Variants in TCF7L1 observed in about 807,000 individuals in gnomAD.
TCF7L1 encodes transcription factor 7 like 1.
TCF7L1 carries 18 observed loss-of-function variants against 63.7 expected under a neutral mutation model. That is an observed-to-expected ratio of 0.28 (90% CI 0.20 to 0.42). TCF7L1 has a LOEUF of 0.42. Among genes scored for constraint, TCF7L1 ranks in the 10% least tolerant of loss-of-function variants. The pLI is 1.00. For missense variants in TCF7L1, 654 were observed against 779.3 expected (o/e 0.84, Z 1.91); for synonymous variants, 355 against 340.9 (o/e 1.04, Z -0.46).
chr2:85,276,772 T>C (rs1264131252), intron 3 of TCF7L1, among the ~76,000 whole-genome samples: 1 of 151,902 alleles, frequency 6.6e-6, no homozygotes, highest in Non-Finnish European at 1.5e-5. Flanking sequence ...GGGTGAGGAA[T>C]TGAGGTGCAG....
At chr2:85,256,245 C>T (rs577945412) in intron 3 of TCF7L1, among the ~76,000 whole-genome samples, 5 of 152,178 alleles carry the variant, frequency 3.3e-5, no homozygotes, top group African/African-American at 9.7e-5. Flanking sequence ...GGTGCGTCCG[C>T]GCGCCGAAGG....
At chr2:85,168,764 G>C (rs897397370) in intron 3 of TCF7L1, among the ~76,000 whole-genome samples, 4 of 152,132 alleles carry the variant, frequency 2.6e-5, no homozygotes, top group Non-Finnish European at 5.9e-5. Context: ...TGGGACTACA[G>C]GCACCCGCTA....
At chr2:85,182,375 C>G (rs956987523) in intron 3 of TCF7L1, among the ~76,000 whole-genome samples, 41 of 152,306 alleles carry the variant, frequency 2.7e-4, no homozygotes, top group African/African-American at 9.6e-4. Flanking sequence ...CCTGGGGTGC[C>G]AGGGAGCTGA....
chr2:85,262,978 G>A (rs1386036928), intron 3 of TCF7L1, among the ~76,000 whole-genome samples: 2 of 152,206 alleles, frequency 1.3e-5, no homozygotes, highest in Non-Finnish European at 2.9e-5. Context: ...GAGAGAGGGA[G>A]AAGGAGAGAG....
Position 85,309,699 on chromosome 2 carries a change from G to T in TCF7L1, c.*237G>T, listed in dbSNP as rs1682230863. The T allele has an allele frequency of 2.2e-6, 1 of 447,062 alleles. No homozygotes were observed. Among genetic ancestry groups the T allele is most frequent in the East Asian group, 3.5e-5 (1 of 28,832 alleles). 27.7% of individuals were successfully genotyped at this position (447,062 alleles called of 1,614,324 possible). On this transcript the variant is annotated 3_prime_UTR_variant, in exon 12 of 12. Coordinates refer to ENST00000282111, the MANE Select transcript of TCF7L1 (RefSeq NM_031283.3). ...TCTTTATAAGAAAGAGAACTGAAAA[G>T]TAGCGTGCTATTCGTCCTGTAGGTG... is the stretch of plus-strand genomic sequence containing the variant.
chr2:85,186,703 A>G (rs1157914484), intron 3 of TCF7L1: 2 of 152,236 alleles, frequency 1.3e-5, no homozygotes, highest in Non-Finnish European at 2.9e-5. Flanking sequence ...ACCATGCTGC[A>G]CACAGAGTTA....
intron 3 of TCF7L1, among the ~76,000 whole-genome samples, chr2:85,163,352 TA>T (rs1678332857): frequency 6.6e-6 from 1 of 152,078 alleles, no homozygotes; most frequent in Admixed American, 6.5e-5. Context: ...CCCTCCCCCA[TA>T]AGACCATGGG....
chr2:85,267,391 T>A (rs923553865), intron 3 of TCF7L1, among the ~76,000 whole-genome samples: 2 of 148,852 alleles, frequency 1.3e-5, no homozygotes, highest in African/African-American at 2.5e-5. Context: ...GGCTCACACC[T>A]GTAATCTCAG....
chr2:85,142,870 A>C (rs899658795), intron 3 of TCF7L1, among the ~76,000 whole-genome samples: 4 of 152,258 alleles, frequency 2.6e-5, no homozygotes, highest in Admixed American at 1.3e-4. Flanking sequence ...ACAAGGTGTT[A>C]GCAATGCTCT....
chr2:85,296,353 G>A (rs4832158), intron 4 of TCF7L1, among the ~76,000 whole-genome samples: 80,548 of 151,962 alleles, frequency 0.53, 21,952 homozygotes, highest in East Asian at 0.9. Flanking sequence ...CTGATGTTTC[G>A]TCATGGTTAG....
intron 3 of TCF7L1, among the ~76,000 whole-genome samples, chr2:85,222,282 A>C (rs1679858491): frequency 6.6e-6 from 1 of 151,192 alleles, no homozygotes; most frequent in South Asian, 2.1e-4. Context: ...TGGAGGTTGC[A>C]GTGAGCCGAG....
In TCF7L1 at chr2:85,309,418, C is replaced by A; in HGVS notation, c.1723C>A (p.Leu575Ile). ...TLHAHQALPV[L>I]QAQPLSLVTK... ...CCATGCCCACCAGGCCCTCCCGGTGCTACAGGCCCAGCCTCTTTCCCTGGT... is the reference window on the plus strand; with the variant it reads ...CCATGCCCACCAGGCCCTCCCGGTGATACAGGCCCAGCCTCTTTCCCTGGT... The change falls in exon 12 of 12, where the codon CTA becomes ATA. Residue 575 changes from leucine (L) to isoleucine (I), a missense_variant. By Grantham distance (5) the Leu-to-Ile change is conservative. Around this residue, in one of 3 missense-constraint regions of TCF7L1, gnomAD observed 184 missense variants for 204.0 expected, o/e 0.90. Transcript: ENST00000282111. The A allele has an allele frequency of 6.4e-7, 1 of 1,572,306 alleles. No homozygotes were observed.
At chr2:85,150,422 C>T (rs1390515497) in intron 3 of TCF7L1, among the ~76,000 whole-genome samples, 2 of 152,072 alleles carry the variant, frequency 1.3e-5, no homozygotes, top group African/African-American at 4.8e-5. Context: ...TTAGTAGAGA[C>T]GGGATTTCAC....
intron 3 of TCF7L1, among the ~76,000 whole-genome samples, chr2:85,138,588 C>T (rs72838190): frequency 0.23 from 34,549 of 151,966 alleles, 4,262 homozygotes; most frequent in Non-Finnish European, 0.26. Context: ...CTGAAGTTTT[C>T]GCCCTTGGAT....
chr2:85,141,965 T>G (rs1200775677), intron 3 of TCF7L1, among the ~76,000 whole-genome samples: 3 of 152,198 alleles, frequency 2.0e-5, no homozygotes, highest in Non-Finnish European at 4.4e-5. Context: ...CTGCAGGAAC[T>G]TCCTCTCCAT....
intron 3 of TCF7L1, among the ~76,000 whole-genome samples, chr2:85,220,363 T>A (rs927450093): frequency 2.3e-4 from 35 of 151,668 alleles, no homozygotes; most frequent in East Asian, 1.7e-3. Flanking sequence ...TAAAAAAAAA[T>A]ATATATATAT....
intron 4 of TCF7L1, among the ~76,000 whole-genome samples, chr2:85,286,310 G>A (rs1379562463): frequency 1.3e-5 from 2 of 151,404 alleles, no homozygotes; most frequent in Non-Finnish European, 2.9e-5. Context: ...AGCTGAGATT[G>A]CACCACTGCA....
intron 3 of TCF7L1, among the ~76,000 whole-genome samples, chr2:85,171,915 C>A (rs1419278385): frequency 6.6e-6 from 1 of 152,096 alleles, no homozygotes; most frequent in Admixed American, 6.5e-5. Context: ...TAACCATTCC[C>A]ATCTTCCCCC....
At chr2:85,237,553 A>G (rs115956462) in intron 3 of TCF7L1, among the ~76,000 whole-genome samples, 3,010 of 152,152 alleles carry the variant, frequency 0.02, 70 homozygotes, top group Middle Eastern at 0.061. Context: ...TCCTCAGAAA[A>G]TGTCACTATC....
Sources: allele counts gnomAD v4.1 joint callset (sites outside exome capture counted in the v4.1 genomes callset), GRCh38; gene constraint gnomAD v4.1.1; regional missense constraint gnomAD v4.1.1; transcripts MANE v1.5; gene names NCBI Gene and HGNC (gene_info 2026-07-23, HGNC 2026-07-21).